SDK2: variants seen among roughly 807,000 people sequenced by gnomAD.
SDK2 encodes the protein sidekick cell adhesion molecule 2.
Under a neutral mutation model 253.9 loss-of-function variants are expected in SDK2, and 105 were observed. The ratio of observed to expected loss-of-function variants is 0.41; its 90% CI spans 0.35 to 0.49. The LOEUF (loss-of-function observed/expected upper bound fraction) is 0.49. SDK2 is among the 20% of genes least tolerant of loss of function. SDK2 has a pLI of 0.06. For missense variants in SDK2, 2,608 were observed against 3,003.0 expected, an observed-to-expected ratio of 0.87 and a Z score of 3.07; for synonymous variants, 1,249 against 1,234.9, an observed-to-expected ratio of 1.01 and a Z score of -0.24.
intron 39 of SDK2, among the ~76,000 whole-genome samples, chr17:73,359,990 G>A (rs961603411): frequency 1.3e-5 from 2 of 152,064 alleles, no homozygotes; most frequent in Admixed American, 6.6e-5. Flanking sequence ...TGAACCCTCT[G>A]CCCTTTATCT....
At chr17:73,450,473 C>T (rs182416685) in intron 4 of SDK2, among the ~76,000 whole-genome samples, 82 of 152,244 alleles carry the variant, frequency 5.4e-4, no homozygotes, top group African/African-American at 1.9e-3. Context: ...GGGACCATGC[C>T]GGCCCAGCTC....
chr17:73,406,759 A>T (rs1314914214), intron 18 of SDK2, among the ~76,000 whole-genome samples: 12 of 152,262 alleles, frequency 7.9e-5, no homozygotes, highest in Non-Finnish European at 1.6e-4. Flanking sequence ...AACCACAATG[A>T]AGCAAATGAA....
intron 1 of SDK2, among the ~76,000 whole-genome samples, chr17:73,589,086 C>T (rs548499902): frequency 1.3e-5 from 2 of 152,382 alleles, no homozygotes; most frequent in South Asian, 2.1e-4. Flanking sequence ...ATGATCTGTT[C>T]GAGCAAGAAA....
At chr17:73,456,891 C>T (rs1386851931) in intron 3 of SDK2, among the ~76,000 whole-genome samples, 1 of 152,204 alleles carries the variant, frequency 6.6e-6, no homozygotes, top group African/African-American at 2.4e-5. Flanking sequence ...TGTGTCTCTA[C>T]CACACCCTTG....
chr17:73,493,035 A>C (rs2063817818), intron 2 of SDK2, among the ~76,000 whole-genome samples: 1 of 152,232 alleles, frequency 6.6e-6, no homozygotes, highest in Non-Finnish European at 1.5e-5. Flanking sequence ...CGGGGTCTCC[A>C]GCCCAGCTGT....
intron 1 of SDK2, among the ~76,000 whole-genome samples, chr17:73,627,444 T>C (rs2046216602): frequency 6.6e-6 from 1 of 152,178 alleles, no homozygotes; most frequent in African/African-American, 2.4e-5. Flanking sequence ...GTGAGTTGAG[T>C]CCTGGGGTGC....
rs2062637700 is a variant in SDK2, at chr17:73,361,287, G to T, written c.5467+397C>A. Among the ~76,000 whole-genome samples, 1 of 152,210 alleles carries T rather than the reference G, an allele frequency of 6.6e-6. No individual in the cohort carries two copies. Among genetic ancestry groups the T allele is most frequent in the South Asian group, 2.1e-4 (1 of 4,828 alleles). The stretch of plus-strand genomic sequence containing the variant: ...GCCTGGAGGGTAGGGGTGGTTCAGG[G>T]GCGTGGGAAGATGGCTCTGGCTGGG... On this transcript the variant is annotated intron_variant, in intron 39 of 44. Transcript: ENST00000392650. The surrounding 1 kb of genome is among the most constrained non-coding windows in gnomAD (Gnocchi z 4.1).
chr17:73,613,589 ACCCCC>A (rs2046006876), intron 1 of SDK2, among the ~76,000 whole-genome samples: 2 of 10,624 alleles, frequency 1.9e-4, no homozygotes, highest in South Asian at 4.1e-3. Context: ...GTGCGGCCCC[ACCCCC>A]ACCCCCACCC....
At chr17:73,458,952 C>T (rs368785258) in intron 3 of SDK2, among the ~76,000 whole-genome samples, 2 of 152,114 alleles carry the variant, frequency 1.3e-5, no homozygotes, top group African/African-American at 2.4e-5. Context: ...TGCGGTGAGC[C>T]GAGATGGGGT....
At chr17:73,454,488 C>A (rs1042720492) in intron 4 of SDK2, among the ~76,000 whole-genome samples, 1 of 152,198 alleles carries the variant, frequency 6.6e-6, no homozygotes, top group Non-Finnish European at 1.5e-5. Flanking sequence ...AGAAACCCAG[C>A]ACCTCACCGG....
In SDK2 at chr17:73,611,608, A is replaced by G. The variant is rs145393894; in HGVS notation, c.64+32417T>C. Reference sequence around the variant, plus strand: ...ACGGCCTCATGGAGGCCTGAGTTTGAGCCTGTGACCTGCAGAGGCTTTCCC... The same window carrying G: ...ACGGCCTCATGGAGGCCTGAGTTTGGGCCTGTGACCTGCAGAGGCTTTCCC... On this transcript the variant is annotated intron_variant, in intron 1 of 44. Transcript: ENST00000392650. 9.8e-5 allele frequency among the ~76,000 whole-genome samples: 15 copies of G among 152,336 alleles called. No homozygotes were observed. In the East Asian group the frequency reaches 2.5e-3, roughly 25 times the overall value.
intron 1 of SDK2, among the ~76,000 whole-genome samples, chr17:73,597,613 G>A (rs938128944): frequency 1.1e-4 from 16 of 151,940 alleles, no homozygotes; most frequent in African/African-American, 3.6e-4. Flanking sequence ...GTATTCATAG[G>A]AGTTTTCACT....
chr17:73,360,991 AG>A (rs2062634975), intron 39 of SDK2, among the ~76,000 whole-genome samples: 2 of 138,308 alleles, frequency 1.4e-5, no homozygotes, highest in African/African-American at 5.4e-5. Flanking sequence ...CAGGAGATTA[AG>A]GAAGACTTCC....
intron 34 of SDK2, 120 bp downstream of exon 34, chr17:73,380,774 T>C: frequency 1.2e-6 from 1 of 859,956 alleles, no homozygotes; most frequent in Admixed American, 2.0e-5. Context: ...GTCCCGTTTC[T>C]TAAGCCCCCT....
At chr17:73,593,146 G>A (rs1224766623) in intron 1 of SDK2, among the ~76,000 whole-genome samples, 2 of 152,002 alleles carry the variant, frequency 1.3e-5, no homozygotes, top group South Asian at 2.1e-4. Context: ...GTCTTCCCTC[G>A]ACAGGCTGGG....
At chr17:73,579,025 AC>A (rs2045496667) in intron 1 of SDK2, among the ~76,000 whole-genome samples, 1 of 151,914 alleles carries the variant, frequency 6.6e-6, no homozygotes, top group African/African-American at 2.4e-5. Context: ...CGGGTCAGGG[AC>A]CCAGGAGCCA....
At chr17:73,477,071 C>T (rs1599603093) in intron 2 of SDK2, among the ~76,000 whole-genome samples, 3 of 152,236 alleles carry the variant, frequency 2.0e-5, no homozygotes, top group African/African-American at 7.2e-5. Context: ...TTCACTCCAC[C>T]CAAATTGCAG....
chr17:73,387,824 C>T lies in SDK2; in HGVS notation c.4394+12G>A, dbSNP rs755310400. ...GGGGCAGTGGGGATGCTGGCATGGA[C>T]CCGAGCCTTACCTGTCCACAATGAA... On this transcript the variant is annotated intron_variant, in intron 30 of 44. Transcript: ENST00000392650. The T allele has an allele frequency of 1.9e-6, 3 of 1,545,188 alleles. No individual in the cohort carries two copies. The highest frequency in any genetic ancestry group is 1.2e-5 in the South Asian group (1 of 83,032).
At chr17:73,355,530 C>T (rs4482356) in intron 40 of SDK2, among the ~76,000 whole-genome samples, 137,007 of 151,820 alleles carry the variant, frequency 0.9, 62,943 homozygotes, top group Non-Finnish European at 0.98. Flanking sequence ...TTATTTTTAG[C>T]AGAGATGGGG....
Sources: allele counts gnomAD v4.1 joint callset (sites outside exome capture counted in the v4.1 genomes callset), GRCh38; gene constraint gnomAD v4.1.1; non-coding constraint Gnocchi (gnomAD v3.1); transcripts MANE v1.5; gene names NCBI Gene and HGNC (gene_info 2026-07-23, HGNC 2026-07-21).